The following CLXN variants were observed in gnomAD, a reference collection of about 807,000 sequenced individuals.
The protein encoded by CLXN is calaxin.
At chr8:48,723,553 T>A in the CLXN span, 27 of 152,190 alleles carry the variant, frequency 1.8e-4, no homozygotes, top group African/African-American at 2.4e-5. Context: ...TAGATGAGGA[T>A]AGAACAGATA....
the CLXN span, chr8:48,729,798 G>A: frequency 0.028 from 44,459 of 1,613,174 alleles, 770 homozygotes; most frequent in Non-Finnish European, 0.033. Flanking sequence ...TGAGAAGGCT[G>A]TTCTTCAACA....
the CLXN span, among the ~76,000 whole-genome samples, chr8:48,716,868 G>A: frequency 1.3e-5 from 2 of 152,190 alleles, no homozygotes; most frequent in Admixed American, 6.5e-5. Context: ...ATCAGAAGGA[G>A]AAGAGAAAGA....
chr8:48,719,341 C>T, the CLXN span, among the ~76,000 whole-genome samples: 22 of 152,010 alleles, frequency 1.4e-4, no homozygotes, highest in Non-Finnish European at 2.9e-4. Flanking sequence ...ACCCAACATA[C>T]TAAGAAGAAT....
chr8:48,728,292 ATCTC>A, the CLXN span, among the ~76,000 whole-genome samples: 1 of 151,540 alleles, frequency 6.6e-6, no homozygotes, highest in Non-Finnish European at 1.5e-5. Context: ...CTCTCTCTCT[ATCTC>A]TCTCTGTCTC....
At chr8:48,718,858 C>A in the CLXN span, among the ~76,000 whole-genome samples, 3 of 151,708 alleles carry the variant, frequency 2.0e-5, no homozygotes, top group Admixed American at 1.3e-4. Context: ...GAATAGAGAT[C>A]TCAGGTAAAA....
chr8:48,735,275 G>C, the CLXN span: 2 of 1,111,370 alleles, frequency 1.8e-6, no homozygotes, highest in Non-Finnish European at 1.3e-6. Context: ...TACTGATCTC[G>C]TGCGCGGCCC....
the CLXN span, among the ~76,000 whole-genome samples, chr8:48,726,923 A>C: frequency 6.9e-6 from 1 of 145,644 alleles, no homozygotes; most frequent in Non-Finnish European, 1.5e-5. Flanking sequence ...CCATCCATTC[A>C]CCCACCCACG....
chr8:48,721,757 A>C, the CLXN span, among the ~76,000 whole-genome samples: 1 of 152,230 alleles, frequency 6.6e-6, no homozygotes, highest in Admixed American at 6.5e-5. Context: ...CATCAAAAGA[A>C]TGAAATTGGA....
At chr8:48,727,053 A>G in the CLXN span, among the ~76,000 whole-genome samples, 1 of 142,470 alleles carries the variant, frequency 7.0e-6, no homozygotes, top group Admixed American at 7.0e-5. Flanking sequence ...CCACACACCC[A>G]TCCATCCATC....
At chr8:48,719,117 T>C in the CLXN span, among the ~76,000 whole-genome samples, 1 of 150,942 alleles carries the variant, frequency 6.6e-6, no homozygotes, top group African/African-American at 2.4e-5. Context: ...GCTTCAGAAA[T>C]AAAAATGATC....
chr8:48,730,757 T>A, the CLXN span: 1 of 518,810 alleles, frequency 1.9e-6, no homozygotes, highest in East Asian at 3.3e-5. Context: ...GCTTGTGAAG[T>A]CCAATATTCT....
At chr8:48,720,334 A>T in the CLXN span, among the ~76,000 whole-genome samples, 1 of 152,188 alleles carries the variant, frequency 6.6e-6, no homozygotes, top group African/African-American at 2.4e-5. Flanking sequence ...TGGACATGCA[A>T]GTAGGGAAGG....
chr8:48,735,261 C>G, the CLXN span: 1 of 1,235,612 alleles, frequency 8.1e-7, no homozygotes, highest in Non-Finnish European at 1.2e-6. Flanking sequence ...GGTGAGGTCT[C>G]AGTTACTGAT....
chr8:48,729,003 T>C, the CLXN span: 2 of 1,497,366 alleles, frequency 1.3e-6, no homozygotes, highest in Non-Finnish European at 1.8e-6. Context: ...TGTTCTACAT[T>C]CTACTTTGAT....
chr8:48,718,205 A>T, the CLXN span, among the ~76,000 whole-genome samples: 1 of 152,212 alleles, frequency 6.6e-6, no homozygotes. Context: ...CAGATAAAAG[A>T]AGTATTAAGT....
chr8:48,731,106 T>C, the CLXN span, among the ~76,000 whole-genome samples: 2 of 152,196 alleles, frequency 1.3e-5, no homozygotes, highest in Non-Finnish European at 2.9e-5. Flanking sequence ...CGAAATGTTT[T>C]AGGTTTTCTG....
the CLXN span, among the ~76,000 whole-genome samples, chr8:48,734,062 C>T: frequency 1.3e-5 from 2 of 152,096 alleles, no homozygotes; most frequent in Admixed American, 6.5e-5. Context: ...CGTACACACA[C>T]CATAATATTC....
At chr8:48,728,004 G>A in the CLXN span, among the ~76,000 whole-genome samples, 1 of 152,188 alleles carries the variant, frequency 6.6e-6, no homozygotes, top group Non-Finnish European at 1.5e-5. Context: ...GGATGGGTGA[G>A]TTTTGGGGAA....
the CLXN span, chr8:48,711,660 C>T: frequency 6.6e-6 from 1 of 152,186 alleles, no homozygotes; most frequent in African/African-American, 2.4e-5. Flanking sequence ...CCTGCAGCCA[C>T]GAGGGTCTGC....
Sources: gnomAD v4.1 joint callset for allele counts (sites outside exome capture counted in the v4.1 genomes callset) on GRCh38, gnomAD v4.1.1 for gene constraint, MANE v1.5 for transcripts, NCBI Gene and HGNC (gene_info 2026-07-23, HGNC 2026-07-21) for gene names.